The following MKX variants were observed in gnomAD, a reference collection of about 807,000 sequenced individuals.
The protein encoded by MKX is mohawk homeobox.
In MKX, 13 loss-of-function variants were observed where a neutral mutation model predicts 36.0. The observed-to-expected ratio is 0.36, with a 90% confidence interval of 0.24 to 0.57. The LOEUF (loss-of-function observed/expected upper bound fraction) is 0.57. Ranked by LOEUF, MKX falls within the 20% of genes least tolerant of loss-of-function variation. MKX has a pLI of 0.79. For synonymous variants in MKX, 176 were observed against 178.3 expected (o/e 0.99, Z 0.10); for missense variants, 458 against 456.4 (o/e 1.00, Z -0.03).
In MKX at chr10:27,742,307, G is replaced by T. The variant is rs111524112; in HGVS notation, c.189-803C>A. ...GGTCCGGGAGGTGTCGCGCGCGGCC[G>T]CCAGCGAGCCCAGCCGCTCCCCGAG... On this transcript the variant is annotated intron_variant, in intron 2 of 6. Transcript: ENST00000419761. This position sits in a 1 kb window ranked among gnomAD's most constrained non-coding sequence, Gnocchi z 4.2. 6.6e-6 allele frequency among the ~76,000 whole-genome samples: 1 copy of T among 152,176 alleles called. No homozygotes were observed.
At chr10:27,679,120 G>A (rs1440140127) in intron 5 of MKX, among the ~76,000 whole-genome samples, 13 of 152,094 alleles carry the variant, frequency 8.5e-5, no homozygotes, top group Admixed American at 5.2e-4. Context: ...AGGGCCTGTC[G>A]GGAGGTGGGG....
At chr10:27,737,428 G>A (rs1834804192) in intron 3 of MKX, among the ~76,000 whole-genome samples, 1 of 151,922 alleles carries the variant, frequency 6.6e-6, no homozygotes, top group Admixed American at 6.6e-5. Flanking sequence ...AGTGGAAGAG[G>A]GCCTGGCTTC....
At chr10:27,681,001 G>A (rs576626093) in intron 5 of MKX, among the ~76,000 whole-genome samples, 6 of 152,194 alleles carry the variant, frequency 3.9e-5, no homozygotes, top group Non-Finnish European at 8.8e-5. Context: ...ACAGTTGTGC[G>A]CCACCTAACG....
chr10:27,709,422 GGTAA>G (rs1836814808), intron 5 of MKX, among the ~76,000 whole-genome samples: 1 of 152,110 alleles, frequency 6.6e-6, no homozygotes, highest in African/African-American at 2.4e-5. Context: ...GCAGAAGTAG[GGTAA>G]GTTCCTGGAA....
chr10:27,712,118 G>A (rs1175930066), intron 5 of MKX, among the ~76,000 whole-genome samples: 1 of 152,078 alleles, frequency 6.6e-6, no homozygotes, highest in African/African-American at 2.4e-5. Context: ...GCTCTGGAGT[G>A]GTCAAAAGAG....
rs1236307120 is a variant in MKX at position 27,743,346 on chromosome 10, C to G, written c.70G>C (p.Glu24Gln). ...CCGCTGTAGGGCCGGCCACCCCGCT[C>G]CCGCTCCGAGGCGCCTCCGTCCTCA... Reference protein sequence around the residue: ...LFEDGGASERERGGRPYSGVL... With the variant: ...LFEDGGASERQRGGRPYSGVL... The change falls in exon 2 of 7, where the codon GAG becomes CAG. Residue 24 changes from glutamate (E) to glutamine (Q), a missense_variant. By Grantham distance (29) the Glu-to-Gln change is conservative. Transcript: ENST00000419761. 6.3e-7 allele frequency: 1 copy of G among 1,584,262 alleles called. No homozygotes were observed. Among genetic ancestry groups the G allele is most frequent in the African/African-American group, 1.4e-5 (1 of 72,876 alleles).
chr10:27,715,121 C>A (rs1431788337), intron 5 of MKX, among the ~76,000 whole-genome samples: 1 of 151,032 alleles, frequency 6.6e-6, no homozygotes, highest in Non-Finnish European at 1.5e-5. Flanking sequence ...GAGCCTGTAA[C>A]CCTTGTTCCA....
Position 27,726,737 on chromosome 10 carries a change from T to G in MKX, c.838+7719A>C, listed in dbSNP as rs543152254. On this transcript the variant is annotated intron_variant, in intron 5 of 6. Coordinates refer to ENST00000419761, the MANE Select transcript of MKX (RefSeq NM_173576.3). ...TAATTTTTTTTTTTTTACTTTACAT[T>G]TTTCCTCTTTTTAAAACTTTTTTTA... is the stretch of plus-strand genomic sequence containing the variant. Among the ~76,000 whole-genome samples the G allele has an allele frequency of 4.0e-5, 6 of 151,194 alleles. No individual in the cohort carries two copies. In the East Asian group the frequency reaches 1.2e-3, roughly 29 times the overall value.
rs371333010 is a variant in MKX at position 27,743,490 on chromosome 10, C to A, written c.-75G>T. 1,083 of 1,418,736 alleles carry A rather than the reference C, an allele frequency of 7.6e-4. 14 individuals are homozygous for A. In the South Asian group the frequency reaches 0.015, roughly 19 times the overall value. 87.9% of individuals were successfully genotyped at this position (1,418,736 alleles called of 1,614,324 possible). On this transcript the variant is annotated 5_prime_UTR_variant, in exon 2 of 7. Coordinates refer to ENST00000419761, the MANE Select transcript of MKX (RefSeq NM_173576.3). ...GGCCGCCGGGAGCTCCGCAGCGGGG[C>A]TCGGCTTCTAGGAGAGGAAGGTGCA... is the stretch of plus-strand genomic sequence containing the variant.
At chr10:27,704,504 A>C (rs7078877) in intron 5 of MKX, among the ~76,000 whole-genome samples, 6,468 of 152,156 alleles carry the variant, frequency 0.043, 377 homozygotes, top group African/African-American at 0.13. Context: ...ATAGAAGAGA[A>C]TAGAAAGACA....
At chr10:27,722,909 C>T (rs1441469638) in intron 5 of MKX, among the ~76,000 whole-genome samples, 1 of 152,080 alleles carries the variant, frequency 6.6e-6, no homozygotes, top group Non-Finnish European at 1.5e-5. Flanking sequence ...GAGCATTTCA[C>T]TGAGTCTGTG....
chr10:27,740,461 A>G (rs1413858024), intron 3 of MKX, among the ~76,000 whole-genome samples: 1 of 152,158 alleles, frequency 6.6e-6, no homozygotes, highest in Non-Finnish European at 1.5e-5. Context: ...GTCTGGAATT[A>G]TTTATTTCCA....
chr10:27,729,046 T>TC (rs1251614841), intron 5 of MKX, among the ~76,000 whole-genome samples: 4 of 152,200 alleles, frequency 2.6e-5, no homozygotes, highest in Admixed American at 2.6e-4. Context: ...CTTCATTTCT[T>TC]CCCAGGGATA....
intron 5 of MKX, among the ~76,000 whole-genome samples, chr10:27,708,099 AG>A (rs1430498600): frequency 1.3e-5 from 2 of 152,184 alleles, no homozygotes; most frequent in Non-Finnish European, 2.9e-5. Flanking sequence ...TACTTCTCTT[AG>A]TTGATTTAAT....
intron 5 of MKX, among the ~76,000 whole-genome samples, chr10:27,733,409 T>C (rs1214866706): frequency 1.3e-5 from 2 of 152,202 alleles, no homozygotes; most frequent in South Asian, 2.1e-4. Context: ...GTGTATAGTT[T>C]ATATCATAGG....
At chr10:27,722,446 T>G (rs912309705) in intron 5 of MKX, among the ~76,000 whole-genome samples, 1 of 152,238 alleles carries the variant, frequency 6.6e-6, no homozygotes, top group Non-Finnish European at 1.5e-5. Context: ...CTGTCAGAGA[T>G]GTAAGGTACT....
rs564560451 is a variant in MKX, at chr10:27,734,896, A to G, written c.503-105T>C. 24 of 662,118 alleles carry G rather than the reference A, an allele frequency of 3.6e-5. 1 individual carries two copies. The African/African-American group carries it at 4.3e-4, about 12-fold the overall frequency. The allele number at this position is 662,118 out of a possible 1,614,324, so 41.0% of individuals were successfully genotyped here. On this transcript the variant is annotated intron_variant, in intron 4 of 6. Transcript: ENST00000419761. ...AAATATATAAAGGAAATATATTTAAAGTATATAAAATTATCTTTGATAGTC... is the reference window on the plus strand; with the variant it reads ...AAATATATAAAGGAAATATATTTAAGGTATATAAAATTATCTTTGATAGTC...
At chr10:27,710,069 C>CCTCA (rs1836825411) in intron 5 of MKX, among the ~76,000 whole-genome samples, 1 of 152,082 alleles carries the variant, frequency 6.6e-6, no homozygotes, top group Non-Finnish European at 1.5e-5. Context: ...TGCTGGGTTG[C>CCTCA]CTCATGTGGC....
At chr10:27,698,845 T>C (rs561446037) in intron 5 of MKX, among the ~76,000 whole-genome samples, 1 of 152,100 alleles carries the variant, frequency 6.6e-6, no homozygotes, top group East Asian at 1.9e-4. Flanking sequence ...GTCAGTCGCA[T>C]ATAGAAAAAA....
Sources: allele counts gnomAD v4.1 joint callset (sites outside exome capture counted in the v4.1 genomes callset), GRCh38; gene constraint gnomAD v4.1.1; non-coding constraint Gnocchi (gnomAD v3.1); transcripts MANE v1.5; gene names NCBI Gene and HGNC (gene_info 2026-07-23, HGNC 2026-07-21).